Variants in DLG2 observed in about 807,000 individuals in gnomAD.
DLG2 encodes disks large homolog 2.
In DLG2, 45 loss-of-function variants were observed where a neutral mutation model predicts 132.5. The observed-to-expected ratio is 0.34, with a 90% CI of 0.27 to 0.44. The LOEUF is 0.44. Among genes scored for constraint, DLG2 ranks in the 20% least tolerant of loss-of-function variants. The pLI is 1.00. For missense variants in DLG2, 1,045 were observed against 1,196.9 expected (o/e 0.87, Z 1.87); for synonymous variants, 424 against 419.6 (o/e 1.01, Z -0.13).
intron 4 of DLG2, among the ~76,000 whole-genome samples, chr11:85,212,164 AC>A (rs1221395777): frequency 1.3e-5 from 2 of 152,114 alleles, no homozygotes; most frequent in Non-Finnish European, 2.9e-5. Context: ...GAAGAGTAGT[AC>A]ACCTCGACCC....
intron 7 of DLG2, among the ~76,000 whole-genome samples, chr11:84,501,809 A>G (rs1460003036): frequency 6.6e-6 from 1 of 152,192 alleles, no homozygotes; most frequent in East Asian, 1.9e-4. Context: ...TCAAGCCACC[A>G]AAAGAGTAAT....
At chr11:84,043,321 C>T (rs7103649) in intron 11 of DLG2, among the ~76,000 whole-genome samples, 118,800 of 151,524 alleles carry the variant, frequency 0.78, 47,074 homozygotes, top group Non-Finnish European at 0.86. Flanking sequence ...TAAAATGATA[C>T]AAATAACAGT....
intron 4 of DLG2, among the ~76,000 whole-genome samples, chr11:85,164,341 T>C (rs2078268543): frequency 6.6e-6 from 1 of 152,118 alleles, no homozygotes; most frequent in Non-Finnish European, 1.5e-5. Flanking sequence ...CCTATAGTCA[T>C]ATTTTTGGGT....
chr11:84,516,022 A>G (rs1398245573), intron 7 of DLG2, among the ~76,000 whole-genome samples: 2 of 151,684 alleles, frequency 1.3e-5, no homozygotes, highest in South Asian at 2.1e-4. Context: ...AAAAATTAAA[A>G]TATCTGTTGA....
chr11:84,128,782 C>T (rs2094292419), intron 9 of DLG2, among the ~76,000 whole-genome samples: 1 of 151,736 alleles, frequency 6.6e-6, no homozygotes, highest in Non-Finnish European at 1.5e-5. Context: ...GCTGGGTAAA[C>T]CAAAAAATCA....
At chr11:84,916,288 G>T (rs1287956809) in intron 6 of DLG2, among the ~76,000 whole-genome samples, 2 of 130,230 alleles carry the variant, frequency 1.5e-5, no homozygotes, top group African/African-American at 5.8e-5. Flanking sequence ...GGCGGAGCAT[G>T]CAGTGAGCCG....
chr11:85,616,824 C>T (rs979856094), intron 2 of DLG2, among the ~76,000 whole-genome samples: 4 of 152,084 alleles, frequency 2.6e-5, no homozygotes, highest in East Asian at 1.9e-4. Context: ...GGCATTGTAA[C>T]GCATCTAGGC....
intron 6 of DLG2, among the ~76,000 whole-genome samples, chr11:84,768,649 G>A (rs1048508403): frequency 1.3e-5 from 2 of 152,070 alleles, no homozygotes; most frequent in Non-Finnish European, 2.9e-5. Context: ...CAAAGTAAAG[G>A]AGCCTGGAGA....
chr11:84,049,879 C>T (rs2096325698), intron 11 of DLG2, among the ~76,000 whole-genome samples: 1 of 151,682 alleles, frequency 6.6e-6, no homozygotes, highest in African/African-American at 2.4e-5. Flanking sequence ...TAACACTGAA[C>T]TGGCTCTTGG....
intron 6 of DLG2, among the ~76,000 whole-genome samples, chr11:84,917,671 G>A (rs1029019912): frequency 6.6e-6 from 1 of 152,100 alleles, no homozygotes; most frequent in African/African-American, 2.4e-5. Flanking sequence ...AGCTATTATT[G>A]TTATTGTTCA....
intron 8 of DLG2, among the ~76,000 whole-genome samples, chr11:84,236,936 T>G (rs901055594): frequency 1.3e-4 from 11 of 82,526 alleles, no homozygotes; most frequent in Non-Finnish European, 2.2e-4. Flanking sequence ...TTTTTTTTTG[T>G]TTTTTTTTTT....
intron 4 of DLG2, among the ~76,000 whole-genome samples, chr11:85,222,196 C>T (rs569083200): frequency 1.3e-5 from 2 of 152,196 alleles, no homozygotes; most frequent in South Asian, 2.1e-4. Context: ...TAACTCCTGA[C>T]CTCAAGTGAT....
At chr11:83,947,714 G>C (rs2084401115) in intron 14 of DLG2, among the ~76,000 whole-genome samples, 1 of 152,138 alleles carries the variant, frequency 6.6e-6, no homozygotes, top group African/African-American at 2.4e-5. Flanking sequence ...GGCATGGATG[G>C]GGAAACTGAG....
At chr11:84,793,087 C>G (rs994094781) in intron 6 of DLG2, among the ~76,000 whole-genome samples, 7 of 152,014 alleles carry the variant, frequency 4.6e-5, no homozygotes, top group African/African-American at 1.7e-4. Context: ...TTCACTGTAT[C>G]CCATAGGTTT....
chr11:83,695,462 G>C (rs2081734323), intron 18 of DLG2, among the ~76,000 whole-genome samples: 1 of 152,212 alleles, frequency 6.6e-6, no homozygotes, highest in Admixed American at 6.5e-5. Context: ...AAGAGTCCTA[G>C]CTGGGTGCAG....
intron 18 of DLG2, among the ~76,000 whole-genome samples, chr11:83,697,100 G>T (rs959849113): frequency 1.3e-5 from 2 of 152,166 alleles, no homozygotes; most frequent in African/African-American, 4.8e-5. Flanking sequence ...TGCCCTCAAA[G>T]AAATGAGTCA....
At chr11:83,699,587 G>A (rs2082520843) in intron 18 of DLG2, among the ~76,000 whole-genome samples, 1 of 150,728 alleles carries the variant, frequency 6.6e-6, no homozygotes, top group Non-Finnish European at 1.5e-5. Flanking sequence ...GTGGGTGCCT[G>A]CAGTCCCAGT....
chr11:85,229,986 G>T (rs1374453430), intron 4 of DLG2, among the ~76,000 whole-genome samples: 2 of 151,966 alleles, frequency 1.3e-5, no homozygotes, highest in Non-Finnish European at 2.9e-5. Flanking sequence ...TCAAGGGGTG[G>T]GGAGCTAGAG....
chr11:84,421,491 G>C (rs1335047614), intron 7 of DLG2, among the ~76,000 whole-genome samples: 2 of 152,114 alleles, frequency 1.3e-5, no homozygotes, highest in African/African-American at 4.8e-5. Flanking sequence ...GCACACTAAA[G>C]TTTGAGAATA....
Sources: allele counts gnomAD v4.1 joint callset (sites outside exome capture counted in the v4.1 genomes callset), GRCh38; gene constraint gnomAD v4.1.1; transcripts MANE v1.5; gene names NCBI Gene and HGNC (gene_info 2026-07-23, HGNC 2026-07-21).